MAPK1IP1L: variants seen among roughly 807,000 people sequenced by gnomAD.
The protein encoded by MAPK1IP1L is mitogen-activated protein kinase 1 interacting protein 1 like, also known as MAPK-interacting and spindle-stabilizing protein-like.
A neutral mutation model predicts 18.1 loss-of-function variants in MAPK1IP1L; 10 were observed. That is an observed-to-expected ratio of 0.55 (90% CI 0.34 to 0.94). MAPK1IP1L has a LOEUF of 0.94. MAPK1IP1L is among the 40% of genes least tolerant of loss of function. The probability of loss-of-function intolerance (pLI) is 0.02; values close to 1 mark genes in which losing one functional copy is unlikely to be tolerated. For synonymous variants in MAPK1IP1L, 115 were observed against 117.3 expected (o/e 0.98, Z 0.13); for missense variants, 260 against 318.2 (o/e 0.82, Z 1.39).
intron 1 of MAPK1IP1L, chr14:55,060,733 A>T (rs988948290): frequency 6.6e-6 from 1 of 152,238 alleles, no homozygotes; most frequent in Non-Finnish European, 1.5e-5. Flanking sequence ...ATAGGGGCGT[A>T]TACAATTATC....
chr14:55,056,163 C>T (rs1303983525), intron 1 of MAPK1IP1L, among the ~76,000 whole-genome samples: 1 of 152,148 alleles, frequency 6.6e-6, no homozygotes, highest in African/African-American at 2.4e-5. Context: ...AGCACCTCCC[C>T]TATCTTCCAG....
chr14:55,058,084 T>A (rs1344846320), intron 1 of MAPK1IP1L, among the ~76,000 whole-genome samples: 1 of 152,250 alleles, frequency 6.6e-6, no homozygotes, highest in Non-Finnish European at 1.5e-5. Flanking sequence ...AGCCCTGAAC[T>A]GGACGCCATC....
chr14:55,065,615 T>G lies in MAPK1IP1L; in HGVS notation c.*988T>G, dbSNP rs2042856782. ...CACATCCCTTGATTCCTCCCTGATGTGGTAAACTGGCACACTCCAGGGGTC... is the reference window on the plus strand; with the variant it reads ...CACATCCCTTGATTCCTCCCTGATGGGGTAAACTGGCACACTCCAGGGGTC... On this transcript the variant is annotated 3_prime_UTR_variant, in exon 4 of 4. Transcript: ENST00000395468. The G allele has an allele frequency of 6.6e-6, 1 of 152,138 alleles. No homozygotes were observed. The highest frequency in any genetic ancestry group is 6.6e-5 in the Admixed American group (1 of 15,266). The allele number at this position is 152,138 out of a possible 1,614,324, so 9.4% of individuals were successfully genotyped here. A position where few individuals can be genotyped will look rare whatever the true frequency, so the allele number is the denominator to read the frequency against.
intron 1 of MAPK1IP1L, among the ~76,000 whole-genome samples, chr14:55,058,246 T>C (rs1391376655): frequency 6.6e-6 from 1 of 152,208 alleles, no homozygotes; most frequent in African/African-American, 2.4e-5. Context: ...ACACAGACAG[T>C]GACCTCAGCT....
chr14:55,055,733 C>A (rs1359146668), intron 1 of MAPK1IP1L, among the ~76,000 whole-genome samples: 1 of 152,100 alleles, frequency 6.6e-6, no homozygotes, highest in Non-Finnish European at 1.5e-5. Context: ...GAGTTTGAGA[C>A]CAGCCTGGCC....
chr14:55,061,568 C>T (rs1018515692), intron 1 of MAPK1IP1L, 112 bp from the exon 2 acceptor site: 87 of 711,134 alleles, frequency 1.2e-4, no homozygotes, highest in Admixed American at 2.1e-4. Context: ...AATAAGATTC[C>T]GCTTAAGTAA....
intron 1 of MAPK1IP1L, among the ~76,000 whole-genome samples, chr14:55,056,235 T>A (rs556270422): frequency 1.3e-5 from 2 of 152,342 alleles, no homozygotes; most frequent in East Asian, 3.9e-4. Flanking sequence ...TATTATTAAC[T>A]TGTAGAATAA....
At chr14:55,061,757 G>A (rs963040632) in intron 2 of MAPK1IP1L, 56 bp downstream of exon 2, 127 of 1,346,374 alleles carry the variant, frequency 9.4e-5, no homozygotes, top group Non-Finnish European at 1.3e-4. Context: ...AAAACAACAT[G>A]GTCCTAACTG....
intron 1 of MAPK1IP1L, among the ~76,000 whole-genome samples, chr14:55,061,093 T>G (rs1444057580): frequency 6.6e-6 from 1 of 152,102 alleles, no homozygotes; most frequent in Non-Finnish European, 1.5e-5. Flanking sequence ...AAGATTGCAG[T>G]GAGCTGTGAT....
chr14:55,056,680 T>C (rs539032631), intron 1 of MAPK1IP1L, among the ~76,000 whole-genome samples: 97 of 152,270 alleles, frequency 6.4e-4, no homozygotes, highest in African/African-American at 2.3e-3. Context: ...TGGCTAATTT[T>C]TTGTATTTTT....
chr14:55,053,274 T>C (rs1292915291), intron 1 of MAPK1IP1L, among the ~76,000 whole-genome samples: 2 of 152,232 alleles, frequency 1.3e-5, no homozygotes, highest in Non-Finnish European at 2.9e-5. Context: ...TGCCTCAAGT[T>C]TGGAGAGTTG....
chr14:55,058,961 A>G (rs1373499327), intron 1 of MAPK1IP1L, among the ~76,000 whole-genome samples: 1 of 151,976 alleles, frequency 6.6e-6, no homozygotes, highest in Non-Finnish European at 1.5e-5. Flanking sequence ...GAAGATGTGC[A>G]TAGGTTATAT....
chr14:55,063,444 T>G, intron 3 of MAPK1IP1L, 119 bp downstream of exon 3: 1 of 828,568 alleles, frequency 1.2e-6, no homozygotes, highest in East Asian at 2.7e-5. Context: ...AGAGGGTGTG[T>G]GTATATTAAA....
At position 55,067,000 on chromosome 14, in the gene MAPK1IP1L, C is replaced by G. The variant is rs1196764609; in HGVS notation, c.*2373C>G. 6.6e-6 allele frequency: 1 copy of G among 151,682 alleles called. No individual in the cohort carries two copies. Among genetic ancestry groups the G allele is most frequent in the East Asian group, 1.9e-4 (1 of 5,164 alleles). The allele number at this position is 151,682 out of a possible 1,614,324, so 9.4% of individuals were successfully genotyped here. A position where few individuals can be genotyped will look rare whatever the true frequency, so the allele number is the denominator to read the frequency against. ...GCAAGCTCCATCTCCCAGGTTCACA[C>G]CATTCTCCTGCCTCAGCCTCCCAAG... is the stretch of plus-strand genomic sequence containing the variant. On this transcript the variant is annotated 3_prime_UTR_variant, in exon 4 of 4. Transcript: ENST00000395468.
chr14:55,056,550 C>T (rs762717703), intron 1 of MAPK1IP1L, among the ~76,000 whole-genome samples: 19 of 152,132 alleles, frequency 1.2e-4, no homozygotes, highest in Non-Finnish European at 2.2e-4. Flanking sequence ...TGCACTGTCA[C>T]CCAGGCTGGA....
chr14:55,064,928 C>T lies in MAPK1IP1L; in HGVS notation c.*301C>T. 1 of 270,462 alleles carries T rather than the reference C, an allele frequency of 3.7e-6. No homozygotes were observed. Among genetic ancestry groups the T allele is most frequent in the Non-Finnish European group, 6.9e-6 (1 of 145,390 alleles). 16.8% of individuals were successfully genotyped at this position (270,462 alleles called of 1,614,324 possible). A position where few individuals can be genotyped will look rare whatever the true frequency, so the allele number is the denominator to read the frequency against. On this transcript the variant is annotated 3_prime_UTR_variant, in exon 4 of 4. Transcript: ENST00000395468. ...GACAGAATTTGTTTAAACTATGAAA[C>T]TACACACTTAAAAATCTAAGATGTG...
In MAPK1IP1L at chr14:55,067,685, G is replaced by C. The variant is rs961058795; in HGVS notation, c.*3058G>C. On this transcript the variant is annotated 3_prime_UTR_variant, in exon 4 of 4. Transcript: ENST00000395468. ...CCCAAAGTGCTGAGATTACAGGCGT[G>C]AGCCACCATGCGTGACCTTTTTTTC... is the stretch of plus-strand genomic sequence containing the variant. The C allele has an allele frequency of 1.3e-5, 2 of 152,210 alleles. No individual in the cohort carries two copies. Among genetic ancestry groups the C allele is most frequent in the African/African-American group, 4.8e-5 (2 of 41,446 alleles). The allele number at this position is 152,210 out of a possible 1,614,324, so 9.4% of individuals were successfully genotyped here. A position where few individuals can be genotyped will look rare whatever the true frequency, so the allele number is the denominator to read the frequency against.
chr14:55,059,552 A>G (rs1594624899), intron 1 of MAPK1IP1L, among the ~76,000 whole-genome samples: 1 of 152,208 alleles, frequency 6.6e-6, no homozygotes, highest in Non-Finnish European at 1.5e-5. Flanking sequence ...CACTCTGGCC[A>G]GGGAACAAAG....
chr14:55,063,174 G>C lies in MAPK1IP1L; in HGVS notation c.575G>C (p.Gly192Ala). 6.2e-7 allele frequency: 1 copy of C among 1,614,014 alleles called. No individual in the cohort carries two copies. Among genetic ancestry groups the C allele is most frequent in the Non-Finnish European group, 8.5e-7 (1 of 1,180,014 alleles). Residue 192 changes from glycine (G) to alanine (A), a missense_variant, in exon 3 of 4, where the codon GGC becomes GCC. By Grantham distance (60) the Gly-to-Ala change is moderately conservative. Transcript: ENST00000395468. ...APGAAPPVPWGTVPPGAWGPP... is the reference protein window; with the variant it reads ...APGAAPPVPWATVPPGAWGPP... ...GGGGCAGCACCACCTGTTCCATGGG[G>C]CACCGTTCCACCAGGAGCCTGGGGA... is the stretch of plus-strand genomic sequence containing the variant.
Sources: allele counts gnomAD v4.1 joint callset (sites outside exome capture counted in the v4.1 genomes callset), GRCh38; gene constraint gnomAD v4.1.1; transcripts MANE v1.5; gene names NCBI Gene and HGNC (gene_info 2026-07-23, HGNC 2026-07-21).